Variants in GARRE1 observed in about 807,000 individuals in gnomAD.
The protein encoded by GARRE1 is granule associated Rac and RHOG effector 1.
A neutral mutation model predicts 103.2 loss-of-function variants in GARRE1; 49 were observed. The ratio of observed to expected loss-of-function variants is 0.47; its 90% CI spans 0.38 to 0.60. The LOEUF (loss-of-function observed/expected upper bound fraction) is 0.60, where lower values mean the gene tolerates loss of function less well. Among genes scored for constraint, GARRE1 ranks in the 20% least tolerant of loss-of-function variants. GARRE1 has a pLI of 0.00. For synonymous variants in GARRE1, 505 were observed against 532.8 expected, an observed-to-expected ratio of 0.95 and a Z score of 0.72; for missense variants, 1,199 against 1,370.5, an observed-to-expected ratio of 0.87 and a Z score of 1.98.
chr19:34,321,030 C>G (rs1180778200), intron 3 of GARRE1, among the ~76,000 whole-genome samples: 1 of 145,410 alleles, frequency 6.9e-6, no homozygotes, highest in African/African-American at 2.5e-5. Flanking sequence ...AGGCATTAGC[C>G]ACTGCACCCA....
At chr19:34,343,884 A>G (rs1361034849) in intron 10 of GARRE1, among the ~76,000 whole-genome samples, 1 of 152,202 alleles carries the variant, frequency 6.6e-6, no homozygotes, top group Non-Finnish European at 1.5e-5. Context: ...AAAAAAGACT[A>G]TCTACTAAAA....
chr19:34,349,092 G>T lies in GARRE1; in HGVS notation c.2764G>T (p.Gly922Trp). 6.2e-7 allele frequency: 1 copy of T among 1,612,800 alleles called. No homozygotes were observed. Among genetic ancestry groups the T allele is most frequent in the Non-Finnish European group, 8.5e-7 (1 of 1,180,000 alleles). The change falls in exon 12 of 14, where the codon GGG becomes TGG. Residue 922 changes from glycine (G) to tryptophan (W), a missense_variant. Coordinates refer to ENST00000299505, the MANE Select transcript of GARRE1 (RefSeq NM_014686.5). ...GAGTGATGAGACATCCTCAGCCAAC[G>T]GGGACAGCTTGTTCTCCATGTTTTC... ...SSSDETSSAN[G>W]DSLFSMFSGP...
chr19:34,266,559 A>G (rs576793529), intron 1 of GARRE1, among the ~76,000 whole-genome samples: 3 of 152,096 alleles, frequency 2.0e-5, no homozygotes, highest in Non-Finnish European at 4.4e-5. Context: ...ATGGGGTTTC[A>G]CCATGTTGGC....
rs148833761 is a variant in GARRE1 at position 34,342,178 on chromosome 19, C to T, written c.2244C>T (p.Pro748=). The T allele has an allele frequency of 2.0e-4, 329 of 1,614,092 alleles. No individual in the cohort carries two copies. The highest frequency in any genetic ancestry group is 2.7e-4 in the Non-Finnish European group (315 of 1,180,048). Residue 748 remains proline (P), a synonymous_variant, in exon 10 of 14, where the codon CCC becomes CCT. Coordinates refer to ENST00000299505, the MANE Select transcript of GARRE1 (RefSeq NM_014686.5). ...CCATTGGACCGCAGCAGCCCCCGCC[C>T]CAGCCTCGGGCACCTGGGAAATGGG... ...LQPIGPQQPP[P]QPRAPGKWVH...
chr19:34,344,951 G>C (rs2074204357), intron 10 of GARRE1, among the ~76,000 whole-genome samples: 1 of 152,054 alleles, frequency 6.6e-6, no homozygotes. Flanking sequence ...CCATTCTCCT[G>C]CCTCAGCCTC....
intron 7 of GARRE1, among the ~76,000 whole-genome samples, chr19:34,333,045 T>TTTTG (rs892708161): frequency 3.9e-5 from 6 of 152,138 alleles, no homozygotes; most frequent in African/African-American, 9.7e-5. Flanking sequence ...GGTTTGACTT[T>TTTTG]TTTGTTTGTT....
intron 1 of GARRE1, among the ~76,000 whole-genome samples, chr19:34,283,206 G>A (rs1377541379): frequency 2.6e-5 from 4 of 152,204 alleles, no homozygotes; most frequent in Non-Finnish European, 5.9e-5. Flanking sequence ...ACAAATCATA[G>A]CTATCAATCT....
intron 1 of GARRE1, among the ~76,000 whole-genome samples, chr19:34,268,827 G>A (rs1041478175): frequency 3.3e-5 from 5 of 152,174 alleles, no homozygotes; most frequent in South Asian, 2.1e-4. Flanking sequence ...AATTGAATAT[G>A]TGGTGATTAC....
intron 1 of GARRE1, among the ~76,000 whole-genome samples, chr19:34,294,740 T>G (rs531071067): frequency 6.6e-6 from 1 of 152,226 alleles, no homozygotes; most frequent in South Asian, 2.1e-4. Flanking sequence ...AGTCTCTCTC[T>G]GTCGCCCAGG....
intron 1 of GARRE1, among the ~76,000 whole-genome samples, chr19:34,283,683 C>G (rs1029655397): frequency 6.6e-6 from 1 of 152,132 alleles, no homozygotes; most frequent in Non-Finnish European, 1.5e-5. Flanking sequence ...GGGCCATTCT[C>G]TTCTTCACTT....
rs915870761 is a variant in GARRE1, at chr19:34,323,920, C to T, written c.706-3501C>T. Among the ~76,000 whole-genome samples, 3 of 152,216 alleles carry T rather than the reference C, an allele frequency of 2.0e-5. No homozygotes were observed. The South Asian group carries it at 6.2e-4, about 31-fold the overall frequency. On this transcript the variant is annotated intron_variant, in intron 3 of 13. Coordinates refer to ENST00000299505, the MANE Select transcript of GARRE1 (RefSeq NM_014686.5). Reference sequence around the variant, plus strand: ...TTTCAGCCAGTGATGCCACCCCCTACTACACTGAGCAAATAGAATCTCCCT... The same window carrying T: ...TTTCAGCCAGTGATGCCACCCCCTATTACACTGAGCAAATAGAATCTCCCT...
At position 34,352,809 on chromosome 19, in the gene GARRE1, A is replaced by G. The variant is rs1249445237; in HGVS notation, c.3067A>G (p.Thr1023Ala). 6.2e-7 allele frequency: 1 copy of G among 1,613,884 alleles called. No individual in the cohort carries two copies. The highest frequency in any genetic ancestry group is 1.3e-5 in the African/African-American group (1 of 75,006). The change falls in exon 14 of 14, where the codon ACC (threonine) becomes GCC (alanine). Residue 1023 changes from threonine to alanine, a missense_variant. Coordinates refer to ENST00000299505, the MANE Select transcript of GARRE1 (RefSeq NM_014686.5). ...QMLQSPVWAA[T>A]NDCSAAAFSY... ...GCTGCAGTCCCCAGTGTGGGCCGCA[A>G]CCAACGACTGCAGTGCCGCTGCCTT...
At position 34,352,940 on chromosome 19, in the gene GARRE1, TCTG is replaced by T; in HGVS notation, c.3200_3202del (p.Leu1067del). The stretch of plus-strand genomic sequence containing the variant: ...GGAAGGGTGAGCGCAGGCCAGCCTA[TCTG>T]CCCCAGTACTGACCCCAGGCCAGCC... On this transcript the variant is annotated inframe_deletion, in exon 14 of 14. Transcript: ENST00000299505. 6.5e-7 allele frequency: 1 copy of T among 1,528,926 alleles called. No homozygotes were observed. Among genetic ancestry groups the T allele is most frequent in the Non-Finnish European group, 8.8e-7 (1 of 1,133,700 alleles). The allele number at this position is 1,528,926 out of a possible 1,614,324, so 94.7% of individuals were successfully genotyped here. A position where few individuals can be genotyped will look rare whatever the true frequency, so the allele number is the denominator to read the frequency against.
chr19:34,337,265 C>T (rs2145275891), intron 8 of GARRE1, among the ~76,000 whole-genome samples: 1 of 152,176 alleles, frequency 6.6e-6, no homozygotes, highest in South Asian at 2.1e-4. Context: ...GGTCCCTGCC[C>T]CTCATAAACC....
chr19:34,301,023 G>A, intron 2 of GARRE1, 55 bp downstream of exon 2: 1 of 1,515,978 alleles, frequency 6.6e-7, no homozygotes, highest in Non-Finnish European at 8.9e-7. Flanking sequence ...AAAGGTAAGT[G>A]AGAATATTGT....
At chr19:34,339,234 G>A (rs191290531) in intron 8 of GARRE1, among the ~76,000 whole-genome samples, 12 of 152,314 alleles carry the variant, frequency 7.9e-5, no homozygotes, top group African/African-American at 2.9e-4. Flanking sequence ...GTCCCAGGTT[G>A]TCACCCGACT....
chr19:34,271,824 G>A (rs1034995460), intron 1 of GARRE1, among the ~76,000 whole-genome samples: 4 of 150,752 alleles, frequency 2.7e-5, no homozygotes, highest in African/African-American at 9.9e-5. Context: ...CATGGAGCAA[G>A]TCTCAAAAAC....
In GARRE1 at chr19:34,351,529, A is replaced by T. The variant is rs758951546; in HGVS notation, c.2841A>T (p.Gly947=). 6.2e-7 allele frequency: 1 copy of T among 1,613,916 alleles called. No homozygotes were observed. Among genetic ancestry groups the T allele is most frequent in the Non-Finnish European group, 8.5e-7 (1 of 1,179,868 alleles). The part of the protein sequence containing the change: ...AVKQRRKHSS[G]EQDTSTLPSP... ...GTTCTTGCAGGAAACACAGCAGTGG[A>T]GAGCAAGACACCAGCACGCTGCCCT... is the stretch of plus-strand genomic sequence containing the variant. Residue 947 remains glycine, a synonymous_variant, in exon 13 of 14, where the codon GGA becomes GGT. Transcript: ENST00000299505.
intron 1 of GARRE1, among the ~76,000 whole-genome samples, chr19:34,266,669 G>A (rs898613170): frequency 6.6e-6 from 1 of 152,136 alleles, no homozygotes; most frequent in African/African-American, 2.4e-5. Context: ...TGAGGGATGG[G>A]AAGGTTTGCT....
Sources: gnomAD v4.1 joint callset for allele counts (sites outside exome capture counted in the v4.1 genomes callset) on GRCh38, gnomAD v4.1.1 for gene constraint, MANE v1.5 for transcripts, NCBI Gene and HGNC (gene_info 2026-07-23, HGNC 2026-07-21) for gene names.